CRISPLD1: variants seen among roughly 807,000 people sequenced by gnomAD.
The protein encoded by CRISPLD1 is cysteine-rich secretory protein LCCL domain-containing 1.
CRISPLD1 carries 60 observed loss-of-function variants against 77.5 expected under a neutral mutation model. The observed-to-expected ratio is 0.77, with a 90% CI of 0.63 to 0.96. CRISPLD1 has a LOEUF of 0.96. Among genes scored for constraint, CRISPLD1 ranks in the 40% least tolerant of loss-of-function variants. CRISPLD1 has a pLI of 0.00. For missense variants in CRISPLD1, 623 were observed against 615.8 expected, an observed-to-expected ratio of 1.01 and a Z score of -0.12; for synonymous variants, 195 against 200.1, an observed-to-expected ratio of 0.97 and a Z score of 0.22.
At position 74,996,147 on chromosome 8, in the gene CRISPLD1, T is replaced by C. The variant is rs1812643834; in HGVS notation, c.258+9902T>C. On this transcript the variant is annotated intron_variant, in intron 2 of 14. Transcript: ENST00000262207. ...ATGTAATACATGTATATGTGTGATA[T>C]TTAGTTTACAGAAAAATGTGAAAAT... is the stretch of plus-strand genomic sequence containing the variant. Among the ~76,000 whole-genome samples the C allele has an allele frequency of 2.6e-5, 4 of 151,002 alleles. No homozygotes were observed. The South Asian group carries it at 6.4e-4, about 24-fold the overall frequency.
At chr8:75,016,967 TTAATTGAATA>T (rs1813041382) in intron 8 of CRISPLD1, 26 bp downstream of exon 8, 2 of 1,509,470 alleles carry the variant, frequency 1.3e-6, no homozygotes, top group African/African-American at 2.8e-5. Flanking sequence ...ATTTTGAAAA[TTAATTGAATA>T]TAATAAATAT....
intron 2 of CRISPLD1, among the ~76,000 whole-genome samples, chr8:74,994,380 A>G (rs1812617206): frequency 6.6e-6 from 1 of 152,218 alleles, no homozygotes; most frequent in South Asian, 2.1e-4. Flanking sequence ...ATTTGATGCA[A>G]GATCTAAATC....
At chr8:75,023,975 C>CA (rs1813188017) in intron 12 of CRISPLD1, among the ~76,000 whole-genome samples, 1 of 151,880 alleles carries the variant, frequency 6.6e-6, no homozygotes, top group Non-Finnish European at 1.5e-5. Context: ...GCCTGAACAA[C>CA]AAAAAAAGTG....
chr8:75,002,482 T>A (rs1812760667), intron 2 of CRISPLD1, among the ~76,000 whole-genome samples: 1 of 143,128 alleles, frequency 7.0e-6, no homozygotes, highest in Non-Finnish European at 1.5e-5. Flanking sequence ...TAACTAGGGT[T>A]CAACAGTAAA....
At position 75,016,666 on chromosome 8, in the gene CRISPLD1, G is replaced by A. The variant is rs1402398293; in HGVS notation, c.829G>A (p.Asp277Asn). 6.2e-7 allele frequency: 1 copy of A among 1,613,200 alleles called. No homozygotes were observed. Among genetic ancestry groups the A allele is most frequent in the Non-Finnish European group, 8.5e-7 (1 of 1,179,424 alleles). Residue 277 changes from aspartate to asparagine, a missense_variant, in exon 7 of 15, where the codon GAT becomes AAT. By Grantham distance (23) the Asp-to-Asn change is conservative. Coordinates refer to ENST00000262207, the MANE Select transcript of CRISPLD1 (RefSeq NM_031461.6). ...HDTHVRTRSD[D>N]SSRNEVISAQ... is the part of the protein sequence containing the mutation. ...CACCCATGTCCGGACAAGATCAGAT[G>A]ATAGTAGCAGAAATGAAGTCATAAG...
intron 2 of CRISPLD1, 108 bp downstream of exon 2, chr8:74,986,353 AAG>A (rs1401062852): frequency 5.8e-5 from 69 of 1,197,062 alleles, no homozygotes; most frequent in Non-Finnish European, 7.2e-5. Context: ...AAGTTGAAAA[AAG>A]ATTTTCTTTG....
At chr8:75,025,714 A>G in intron 13 of CRISPLD1, 93 bp downstream of exon 13, 1 of 527,914 alleles carries the variant, frequency 1.9e-6, no homozygotes, top group Admixed American at 2.9e-5. Context: ...TTATATACAG[A>G]GCGAAGAAAC....
At chr8:74,996,750 G>T (rs1812651897) in intron 2 of CRISPLD1, among the ~76,000 whole-genome samples, 1 of 102,146 alleles carries the variant, frequency 9.8e-6, no homozygotes. Context: ...ATAGGATCTT[G>T]CTCTGTCACC....
chr8:74,993,559 A>T (rs907347506), intron 2 of CRISPLD1, among the ~76,000 whole-genome samples: 53 of 152,198 alleles, frequency 3.5e-4, no homozygotes, highest in Non-Finnish European at 4.4e-4. Context: ...TATTTTTAAG[A>T]CTTCGACCTT....
chr8:75,028,316 A>G (rs1031546545), intron 13 of CRISPLD1, among the ~76,000 whole-genome samples: 5 of 152,174 alleles, frequency 3.3e-5, no homozygotes, highest in African/African-American at 1.2e-4. Context: ...TCTAGAGTTC[A>G]CAACACAGTA....
At chr8:75,005,861 T>C (rs940686131) in intron 2 of CRISPLD1, among the ~76,000 whole-genome samples, 2 of 152,190 alleles carry the variant, frequency 1.3e-5, no homozygotes, top group Non-Finnish European at 2.9e-5. Context: ...CATAACTGCC[T>C]TTGCAATGCC....
In CRISPLD1 at chr8:75,012,923, G is replaced by A; in HGVS notation, c.411G>A (p.Trp137Ter). 6.2e-7 allele frequency: 1 copy of A among 1,612,710 alleles called. No individual in the cohort carries two copies. Among genetic ancestry groups the A allele is most frequent in the Non-Finnish European group, 8.5e-7 (1 of 1,179,294 alleles). ...CCCCGACGTTTCATGTACAATCGTGGTATGATGAAGTGAAAGACTTTAGCT... is the reference window on the plus strand; with the variant it reads ...CCCCGACGTTTCATGTACAATCGTGATATGATGAAGTGAAAGACTTTAGCT... ...YRPPTFHVQS[W>*]YDEVKDFSYP... Residue 137 changes from tryptophan to a stop codon, truncating the protein, a stop_gained, in exon 4 of 15, where the codon TGG becomes TGA. Coordinates refer to ENST00000262207, the MANE Select transcript of CRISPLD1 (RefSeq NM_031461.6). LOFTEE classifies it high-confidence loss of function.
At chr8:75,000,366 A>G in intron 2 of CRISPLD1, 1 of 985,426 alleles carries the variant, frequency 1.0e-6, no homozygotes, top group Non-Finnish European at 1.2e-6. Context: ...CTGTGTGGAA[A>G]GAAAAGGCCA....
intron 2 of CRISPLD1, among the ~76,000 whole-genome samples, chr8:74,988,889 T>C (rs1365637749): frequency 6.6e-6 from 1 of 152,166 alleles, no homozygotes; most frequent in East Asian, 1.9e-4. Flanking sequence ...AAAGAGCTCA[T>C]TGGCGTTGAG....
chr8:75,022,589 GAAAAAAA>G (rs71565425), intron 12 of CRISPLD1, among the ~76,000 whole-genome samples: 1 of 82,384 alleles, frequency 1.2e-5, no homozygotes, highest in East Asian at 4.0e-4. Context: ...CTCTGTCTCA[GAAAAAAA>G]AAAAAAAAAG....
chr8:75,004,052 C>G (rs1034451331), intron 2 of CRISPLD1, among the ~76,000 whole-genome samples: 5 of 152,050 alleles, frequency 3.3e-5, no homozygotes. Flanking sequence ...AAACTGTTAG[C>G]TTGCTACTTT....
chr8:75,013,473 T>C (rs1812971463), intron 4 of CRISPLD1, among the ~76,000 whole-genome samples: 1 of 152,156 alleles, frequency 6.6e-6, no homozygotes, highest in Non-Finnish European at 1.5e-5. Flanking sequence ...AGCTCACTGC[T>C]GATCAGACTT....
intron 2 of CRISPLD1, among the ~76,000 whole-genome samples, chr8:75,010,723 G>T (rs186136692): frequency 6.6e-6 from 1 of 151,784 alleles, no homozygotes; most frequent in African/African-American, 2.4e-5. Flanking sequence ...ATCCTGTCTT[G>T]CCTGGCTTCT....
At position 75,016,847 on chromosome 8, in the gene CRISPLD1, T is replaced by C. The variant is rs1450800882; in HGVS notation, c.869-34T>C. 3.9e-6 allele frequency: 6 copies of C among 1,521,482 alleles called. No individual in the cohort carries two copies. In the South Asian group the frequency reaches 6.3e-5, roughly 16 times the overall value. 94.2% of individuals were successfully genotyped at this position (1,521,482 alleles called of 1,614,324 possible). On this transcript the variant is annotated intron_variant, in intron 7 of 14. Coordinates refer to ENST00000262207, the MANE Select transcript of CRISPLD1 (RefSeq NM_031461.6). ...TAATGAACTACAACTGCTTTTATATTATTTAAGTTATTTAGGTATTTTTTT... is the reference window on the plus strand; with the variant it reads ...TAATGAACTACAACTGCTTTTATATCATTTAAGTTATTTAGGTATTTTTTT...
Sources: allele counts gnomAD v4.1 joint callset (sites outside exome capture counted in the v4.1 genomes callset), GRCh38; gene constraint gnomAD v4.1.1; transcripts MANE v1.5; gene names NCBI Gene and HGNC (gene_info 2026-07-23, HGNC 2026-07-21).